Variants in WBP2NL observed in about 807,000 individuals in gnomAD.
WBP2NL encodes postacrosomal sheath WW domain-binding protein.
In WBP2NL, 27 loss-of-function variants were observed where a neutral mutation model predicts 23.3. The ratio of observed to expected loss-of-function variants is 1.16; its 90% CI spans 0.85 to 1.60. The LOEUF (loss-of-function observed/expected upper bound fraction) is 1.60, where lower values mean the gene tolerates loss of function less well. Ranked by LOEUF, WBP2NL falls within the 40% of genes most tolerant of loss-of-function variation. The pLI is 0.00. For synonymous variants in WBP2NL, 151 were observed against 145.9 expected (o/e 1.03, Z -0.25); for missense variants, 370 against 389.5 (o/e 0.95, Z 0.42).
chr22:42,023,810 T>C (rs1924213396), intron 5 of WBP2NL, among the ~76,000 whole-genome samples: 1 of 152,078 alleles, frequency 6.6e-6, no homozygotes, highest in South Asian at 2.1e-4. Flanking sequence ...CAGCCTTTTT[T>C]TTTAAAAAAA....
intron 8 of WBP2NL, among the ~76,000 whole-genome samples, chr22:42,050,548 T>G (rs1925801616): frequency 6.6e-6 from 1 of 151,792 alleles, no homozygotes; most frequent in Non-Finnish European, 1.5e-5. Context: ...CTCAGGAGGT[T>G]GAGGCAGGAG....
chr22:42,006,665 T>G (rs1386804023), intron 1 of WBP2NL, among the ~76,000 whole-genome samples: 1 of 152,276 alleles, frequency 6.6e-6, no homozygotes, highest in Admixed American at 6.5e-5. Flanking sequence ...AAATGGCTTG[T>G]GTCATAGCTT....
At chr22:42,026,583 C>T (rs2146800976) in intron 5 of WBP2NL, among the ~76,000 whole-genome samples, 183 bp from the exon 6 acceptor site, 1 of 152,244 alleles carries the variant, frequency 6.6e-6, no homozygotes, top group East Asian at 1.9e-4. Flanking sequence ...ATTTGAATCC[C>T]TGCACAACAG....
chr22:42,014,174 G>A (rs773864897), intron 1 of WBP2NL, among the ~76,000 whole-genome samples: 3 of 152,136 alleles, frequency 2.0e-5, no homozygotes, highest in Non-Finnish European at 4.4e-5. Flanking sequence ...TCCCGCCTCA[G>A]CCTCCCAAAC....
intron 8 of WBP2NL, among the ~76,000 whole-genome samples, chr22:42,057,576 T>C (rs1926089859): frequency 6.6e-6 from 1 of 151,640 alleles, no homozygotes; most frequent in Admixed American, 6.6e-5. Context: ...GTTGAAGTTT[T>C]CTGGGTTGCC....
At chr22:42,043,397 G>A (rs1377603249) in intron 8 of WBP2NL, among the ~76,000 whole-genome samples, 2 of 152,204 alleles carry the variant, frequency 1.3e-5, no homozygotes, top group East Asian at 1.9e-4. Context: ...GTGTGTATAT[G>A]CTCAGTTGTG....
intron 1 of WBP2NL, among the ~76,000 whole-genome samples, chr22:42,008,401 T>G (rs1041683806): frequency 2.0e-5 from 3 of 151,534 alleles, no homozygotes; most frequent in Non-Finnish European, 4.4e-5. Flanking sequence ...GAGACGGGGT[T>G]TCGCTGTGTT....
intron 1 of WBP2NL, chr22:42,003,198 T>A (rs1921875323): frequency 1.3e-5 from 1 of 74,692 alleles, no homozygotes; most frequent in Non-Finnish European, 3.3e-5. Context: ...GGTAATTACA[T>A]TGGTTCTCTC....
chr22:42,045,130 C>G (rs1260449666), intron 8 of WBP2NL, among the ~76,000 whole-genome samples: 1 of 152,140 alleles, frequency 6.6e-6, no homozygotes, highest in Non-Finnish European at 1.5e-5. Flanking sequence ...TATGCCCAGC[C>G]TAAAATCAAT....
intron 5 of WBP2NL, among the ~76,000 whole-genome samples, chr22:42,025,101 C>T (rs757291148): frequency 1.3e-5 from 2 of 152,186 alleles, no homozygotes. Flanking sequence ...GCAAAAATGG[C>T]TTTTAATGCA....
At chr22:42,004,128 C>G (rs1013061962) in intron 1 of WBP2NL, among the ~76,000 whole-genome samples, 3 of 152,060 alleles carry the variant, frequency 2.0e-5, no homozygotes, top group Admixed American at 6.6e-5. Context: ...TAAAATTTGC[C>G]AGGCGTGGTG....
At chr22:42,042,900 A>T (rs1925446390) in intron 8 of WBP2NL, among the ~76,000 whole-genome samples, 1 of 152,006 alleles carries the variant, frequency 6.6e-6, no homozygotes. Flanking sequence ...TGTCTCTACC[A>T]AAGAAGATAA....
chr22:42,011,272 A>T (rs1922788100), intron 1 of WBP2NL, among the ~76,000 whole-genome samples: 1 of 152,052 alleles, frequency 6.6e-6, no homozygotes, highest in African/African-American at 2.4e-5. Flanking sequence ...TTTTTGAGAC[A>T]GGTTCTCACT....
chr22:42,047,928 C>T (rs1015284540), intron 8 of WBP2NL, among the ~76,000 whole-genome samples: 5 of 151,958 alleles, frequency 3.3e-5, no homozygotes, highest in Admixed American at 1.3e-4. Flanking sequence ...AGCCTAAAAC[C>T]AGTCAATATA....
intron 8 of WBP2NL, among the ~76,000 whole-genome samples, chr22:42,043,280 T>C (rs1925464707): frequency 1.3e-5 from 2 of 151,652 alleles, no homozygotes; most frequent in African/African-American, 4.8e-5. Context: ...AGACAAGAGG[T>C]GTGGGGGCCT....
In WBP2NL at chr22:42,027,485, G is replaced by T. The variant is rs1189953250; in HGVS notation, c.*304G>T. ...AACTTTTTCCACACTCGCATTCAAG[G>T]TTCCTGTCTTCCCATCCTCATTCAA... On this transcript the variant is annotated 3_prime_UTR_variant, in exon 6 of 6. Coordinates refer to ENST00000328823, the MANE Select transcript of WBP2NL (RefSeq NM_152613.3). The T allele has an allele frequency of 8.5e-6, 3 of 353,698 alleles. No homozygotes were observed. Among genetic ancestry groups the T allele is most frequent in the Non-Finnish European group, 1.5e-5 (3 of 196,996 alleles). 21.9% of individuals were successfully genotyped at this position (353,698 alleles called of 1,614,324 possible). A position where few individuals can be genotyped will look rare whatever the true frequency, so the allele number is the denominator to read the frequency against.
chr22:42,035,516 C>A (rs1306763181), downstream of WBP2NL, among the ~76,000 whole-genome samples: 1 of 152,266 alleles, frequency 6.6e-6, no homozygotes, highest in Admixed American at 6.5e-5. Context: ...ATGGAGCATG[C>A]AGCCCTGGCC....
At chr22:42,023,329 A>G (rs1409801974) in intron 5 of WBP2NL, among the ~76,000 whole-genome samples, 1 of 151,830 alleles carries the variant, frequency 6.6e-6, no homozygotes, top group Non-Finnish European at 1.5e-5. Context: ...GTAGGCTAGG[A>G]CCACAGGCGC....
At chr22:42,017,101 C>T (rs920573142) in intron 1 of WBP2NL, among the ~76,000 whole-genome samples, 1 of 152,154 alleles carries the variant, frequency 6.6e-6, no homozygotes. Context: ...CTACCTTCAC[C>T]TCTACCTACT....
Sources: allele counts gnomAD v4.1 joint callset (sites outside exome capture counted in the v4.1 genomes callset), GRCh38; gene constraint gnomAD v4.1.1; transcripts MANE v1.5; gene names NCBI Gene and HGNC (gene_info 2026-07-23, HGNC 2026-07-21).